Variants in SH3PXD2A observed in about 807,000 individuals in gnomAD.
SH3PXD2A encodes the protein SH3 and PX domain-containing protein 2A.
A neutral mutation model predicts 115.2 loss-of-function variants in SH3PXD2A; 32 were observed. The observed-to-expected ratio is 0.28, with a 90% confidence interval of 0.21 to 0.37. SH3PXD2A has a LOEUF of 0.37. Among genes scored for constraint, SH3PXD2A ranks in the 10% least tolerant of loss-of-function variants. The pLI is 1.00. For synonymous variants in SH3PXD2A, 610 were observed against 629.1 expected, an observed-to-expected ratio of 0.97 and a Z score of 0.45; for missense variants, 1,328 against 1,498.7, an observed-to-expected ratio of 0.89 and a Z score of 1.88.
intron 5 of SH3PXD2A, among the ~76,000 whole-genome samples, chr10:103,707,807 C>T (rs2037999052): frequency 6.6e-6 from 1 of 152,166 alleles, no homozygotes; most frequent in Non-Finnish European, 1.5e-5. Flanking sequence ...CCAGTGCCAG[C>T]TGACTCCTAA....
chr10:103,836,598 C>T (rs1345735734), intron 1 of SH3PXD2A, among the ~76,000 whole-genome samples: 1 of 151,730 alleles, frequency 6.6e-6, no homozygotes, highest in African/African-American at 2.4e-5. Flanking sequence ...ACAGTCCACA[C>T]TCAAACCCCC....
chr10:103,813,584 C>T (rs901418257), intron 1 of SH3PXD2A, among the ~76,000 whole-genome samples: 45 of 152,236 alleles, frequency 3.0e-4, no homozygotes, highest in Non-Finnish European at 1.3e-4. Flanking sequence ...TCCCAAAGTA[C>T]TGGGATTACA....
rs750858855 is a variant in SH3PXD2A at position 103,627,251 on chromosome 10, CA to C, written c.605-50del. 8.6e-7 allele frequency: 1 copy of C among 1,165,244 alleles called. No homozygotes were observed. Among genetic ancestry groups the C allele is most frequent in the Non-Finnish European group, 1.3e-6 (1 of 777,068 alleles). The allele number at this position is 1,165,244 out of a possible 1,614,324, so 72.2% of individuals were successfully genotyped here. On this transcript the variant is annotated intron_variant, in intron 8 of 14. Transcript: ENST00000369774. The surrounding 1 kb of genome is among the most constrained non-coding windows in gnomAD (Gnocchi z 4.4). ...AGGACTGTGAGATTCTGCAGGGTGG[CA>C]GGGGTGGCTCGGGGGCCAGGACAAG...
At chr10:103,799,793 T>G (rs2039129754) in intron 2 of SH3PXD2A, among the ~76,000 whole-genome samples, 1 of 152,128 alleles carries the variant, frequency 6.6e-6, no homozygotes. Context: ...CCCACCAGAT[T>G]ACACTGGAAT....
At chr10:103,715,324 G>A (rs987860070) in intron 5 of SH3PXD2A, among the ~76,000 whole-genome samples, 1 of 152,214 alleles carries the variant, frequency 6.6e-6, no homozygotes, top group Non-Finnish European at 1.5e-5. Flanking sequence ...AAGCTCACAG[G>A]CAGAGCTGGG....
At chr10:103,739,652 G>A (rs867386113) in intron 3 of SH3PXD2A, among the ~76,000 whole-genome samples, 4 of 152,328 alleles carry the variant, frequency 2.6e-5, no homozygotes, top group South Asian at 4.1e-4. Context: ...AGTGCAGCCC[G>A]TTGACGGCAG....
At chr10:103,806,939 G>C (rs767415064) in intron 1 of SH3PXD2A, among the ~76,000 whole-genome samples, 3 of 152,150 alleles carry the variant, frequency 2.0e-5, no homozygotes, top group Admixed American at 6.5e-5. Flanking sequence ...CACACCCAGC[G>C]CAACGCTCTG....
chr10:103,773,368 A>G (rs1352276921), intron 2 of SH3PXD2A, among the ~76,000 whole-genome samples: 1 of 152,004 alleles, frequency 6.6e-6, no homozygotes, highest in East Asian at 1.9e-4. Context: ...CATGCAGGGG[A>G]CACATCAGCG....
At chr10:103,670,610 T>C (rs2037444436) in intron 6 of SH3PXD2A, among the ~76,000 whole-genome samples, 1 of 152,180 alleles carries the variant, frequency 6.6e-6, no homozygotes, top group South Asian at 2.1e-4. Context: ...TTAGAGATAC[T>C]GCCCCACAGT....
In SH3PXD2A at chr10:103,668,738, TG is replaced by T. The variant is rs1383654636; in HGVS notation, c.428-87del. ...AGGCAGGCAGGAGGTCCACAGTGAGTGGCTGCAGGCGCCGCGCTCGGCCAGC... is the reference window on the plus strand; with the variant it reads ...AGGCAGGCAGGAGGTCCACAGTGAGTGCTGCAGGCGCCGCGCTCGGCCAGC... On this transcript the variant is annotated intron_variant, in intron 6 of 14. Transcript: ENST00000369774. 4.3e-5 allele frequency: 54 copies of T among 1,249,444 alleles called. No individual in the cohort carries two copies. The African/African-American group carries it at 7.0e-4, about 16-fold the overall frequency. The allele number at this position is 1,249,444 out of a possible 1,614,324, so 77.4% of individuals were successfully genotyped here. A position where few individuals can be genotyped will look rare whatever the true frequency, so the allele number is the denominator to read the frequency against.
intron 8 of SH3PXD2A, among the ~76,000 whole-genome samples, chr10:103,635,108 C>T (rs185422237): frequency 1.5e-4 from 23 of 152,262 alleles, no homozygotes; most frequent in Non-Finnish European, 3.2e-4. Flanking sequence ...GGGCGTGTGC[C>T]TATGCATCTG....
At chr10:103,701,503 TCATC>T (rs1297699050) in intron 5 of SH3PXD2A, among the ~76,000 whole-genome samples, 7 of 102,232 alleles carry the variant, frequency 6.8e-5, no homozygotes, top group Admixed American at 5.7e-4. Flanking sequence ...ATCCATCCAT[TCATC>T]CATCCATCCA....
At position 103,812,295 on chromosome 10, in the gene SH3PXD2A, C is replaced by T. The variant is rs1480222881; in HGVS notation, c.73-10933G>A. On this transcript the variant is annotated intron_variant, in intron 1 of 14. Transcript: ENST00000369774. The stretch of plus-strand genomic sequence containing the variant: ...GACATCTTGGGTAATGCCCAGGAGC[C>T]CAGAGAGGGCGATGGTGTGCCTAGG... Among the ~76,000 whole-genome samples the T allele has an allele frequency of 2.0e-5, 3 of 152,160 alleles. 1 individual carries two copies. The highest frequency in any genetic ancestry group is 4.4e-5 in the Non-Finnish European group (3 of 68,028).
At chr10:103,806,110 T>C (rs766124791) in intron 1 of SH3PXD2A, among the ~76,000 whole-genome samples, 10 of 152,148 alleles carry the variant, frequency 6.6e-5, no homozygotes, top group Admixed American at 2.0e-4. Flanking sequence ...TTCTATGCCC[T>C]GAGCAGCCAT....
intron 8 of SH3PXD2A, among the ~76,000 whole-genome samples, chr10:103,652,470 C>A (rs1163800065): frequency 6.6e-6 from 1 of 152,180 alleles, no homozygotes; most frequent in East Asian, 1.9e-4. Flanking sequence ...GGGATGAGGG[C>A]AGCTATCCCC....
At position 103,755,922 on chromosome 10, in the gene SH3PXD2A, C is replaced by T. The variant is rs933500850; in HGVS notation, c.229+11172G>A. Reference sequence around the variant, plus strand: ...TGACAGTTGAAGCCTGCAGGGGTGTCGCCAGGCCACCCTGTCCCTGACAGG... The same window carrying T: ...TGACAGTTGAAGCCTGCAGGGGTGTTGCCAGGCCACCCTGTCCCTGACAGG... On this transcript the variant is annotated intron_variant, in intron 3 of 14. Coordinates refer to ENST00000369774, the MANE Select transcript of SH3PXD2A (RefSeq NM_001394015.1). Among the ~76,000 whole-genome samples, 6 of 152,188 alleles carry T rather than the reference C, an allele frequency of 3.9e-5. No individual in the cohort carries two copies. The South Asian group carries it at 6.2e-4, about 16-fold the overall frequency.
intron 6 of SH3PXD2A, among the ~76,000 whole-genome samples, chr10:103,690,461 G>A (rs942359849): frequency 1.3e-5 from 2 of 152,128 alleles, no homozygotes; most frequent in Non-Finnish European, 2.9e-5. Context: ...GGGGGAGGCC[G>A]GCAGAGACTA....
chr10:103,694,030 C>A (rs1045488649), intron 5 of SH3PXD2A, among the ~76,000 whole-genome samples: 4 of 152,188 alleles, frequency 2.6e-5, no homozygotes, highest in Non-Finnish European at 5.9e-5. Flanking sequence ...CCTCCCACCC[C>A]CCTCCATTCA....
chr10:103,834,799 A>G (rs2039514857), intron 1 of SH3PXD2A, among the ~76,000 whole-genome samples: 1 of 152,230 alleles, frequency 6.6e-6, no homozygotes, highest in Non-Finnish European at 1.5e-5. Flanking sequence ...TAATTTGCCC[A>G]AAGTCACATG....
Sources: allele counts gnomAD v4.1 joint callset (sites outside exome capture counted in the v4.1 genomes callset), GRCh38; gene constraint gnomAD v4.1.1; non-coding constraint Gnocchi (gnomAD v3.1); transcripts MANE v1.5; gene names NCBI Gene and HGNC (gene_info 2026-07-23, HGNC 2026-07-21).